Variants in DCC observed in about 807,000 individuals in gnomAD.
DCC encodes the protein DCC netrin 1 receptor.
DCC carries 58 observed loss-of-function variants against 172.5 expected under a neutral mutation model. That is an observed-to-expected ratio of 0.34 (90% CI 0.27 to 0.42). DCC has a LOEUF of 0.42. DCC is among the 10% of genes least tolerant of loss of function. The pLI, the probability that DCC is intolerant of heterozygous loss-of-function variation, is 1.00. For missense variants in DCC, 1,740 were observed against 1,791.0 expected, an observed-to-expected ratio of 0.97 and a Z score of 0.51; for synonymous variants, 709 against 644.5, an observed-to-expected ratio of 1.10 and a Z score of -1.52.
At chr18:52,922,086 ATCAGCAATTT>A (rs1488924838) in intron 3 of DCC, among the ~76,000 whole-genome samples, 1 of 152,102 alleles carries the variant, frequency 6.6e-6, no homozygotes, top group African/African-American at 2.4e-5. Flanking sequence ...GAAGCATACC[ATCAGCAATTT>A]TCAAAAGTTC....
At chr18:52,648,213 G>T (rs2035055971) in intron 1 of DCC, among the ~76,000 whole-genome samples, 1 of 152,280 alleles carries the variant, frequency 6.6e-6, no homozygotes, top group Non-Finnish European at 1.5e-5. Flanking sequence ...TTCTGGCTTG[G>T]CATTCAGTGA....
At chr18:52,957,376 A>G (rs2040762526) in intron 5 of DCC, among the ~76,000 whole-genome samples, 1 of 152,156 alleles carries the variant, frequency 6.6e-6, no homozygotes, top group East Asian at 1.9e-4. Flanking sequence ...AGAGCAATCG[A>G]TATTTCAAAA....
intron 1 of DCC, among the ~76,000 whole-genome samples, chr18:52,676,473 G>C (rs1437185977): frequency 6.6e-6 from 1 of 152,096 alleles, no homozygotes; most frequent in African/African-American, 2.4e-5. Flanking sequence ...TAAATGACTT[G>C]TACCCAAAAT....
intron 5 of DCC, among the ~76,000 whole-genome samples, chr18:53,023,721 A>G (rs1214833207): frequency 6.6e-6 from 1 of 152,162 alleles, no homozygotes; most frequent in East Asian, 1.9e-4. Flanking sequence ...GTTGTTTATA[A>G]TAATAATATA....
At chr18:52,399,193 T>C (rs1238831382) in intron 1 of DCC, among the ~76,000 whole-genome samples, 2 of 151,932 alleles carry the variant, frequency 1.3e-5, no homozygotes, top group African/African-American at 4.8e-5. Context: ...ATTTAAAATA[T>C]ATAGTGTTTT....
intron 5 of DCC, among the ~76,000 whole-genome samples, chr18:53,058,322 A>T (rs912660302): frequency 5.9e-5 from 9 of 152,172 alleles, no homozygotes; most frequent in African/African-American, 1.7e-4. Flanking sequence ...TTAACCTCTG[A>T]GTTATTAAAT....
At chr18:53,293,649 G>T (rs1168111815) in intron 12 of DCC, among the ~76,000 whole-genome samples, 2 of 151,888 alleles carry the variant, frequency 1.3e-5, no homozygotes, top group Non-Finnish European at 2.9e-5. Context: ...GTAGGCCCTG[G>T]TGTCTTTTGC....
intron 1 of DCC, among the ~76,000 whole-genome samples, chr18:52,495,195 G>C (rs2030693871): frequency 6.6e-6 from 1 of 152,070 alleles, no homozygotes; most frequent in Non-Finnish European, 1.5e-5. Flanking sequence ...TTTGTAATTA[G>C]CTTTTTATCC....
At chr18:53,437,960 T>C (rs893613977) in intron 22 of DCC, among the ~76,000 whole-genome samples, 5 of 152,094 alleles carry the variant, frequency 3.3e-5, no homozygotes, top group African/African-American at 1.2e-4. Context: ...TGAAAGAGGA[T>C]GAGAAAATCC....
intron 1 of DCC, among the ~76,000 whole-genome samples, chr18:52,369,142 G>A (rs550164985): frequency 7.9e-5 from 12 of 152,260 alleles, no homozygotes; most frequent in Non-Finnish European, 1.5e-4. Flanking sequence ...TGGTGGTATC[G>A]ATGAAGAGTC....
intron 2 of DCC, among the ~76,000 whole-genome samples, chr18:52,849,415 T>C (rs2038941971): frequency 6.6e-6 from 1 of 152,164 alleles, no homozygotes; most frequent in Non-Finnish European, 1.5e-5. Context: ...ATCAGTTTTG[T>C]TTCTCCTTCT....
At chr18:52,629,327 A>C (rs1169276831) in intron 1 of DCC, among the ~76,000 whole-genome samples, 2 of 152,300 alleles carry the variant, frequency 1.3e-5, no homozygotes, top group South Asian at 4.1e-4. Context: ...GTTTGGCCAA[A>C]CAAGTTTCTG....
intron 7 of DCC, among the ~76,000 whole-genome samples, chr18:53,150,379 C>T (rs1273948900): frequency 6.6e-6 from 1 of 152,176 alleles, no homozygotes. Context: ...ATTTGCAAAG[C>T]CTTCCGTTTA....
chr18:53,270,051 T>G (rs1388052432), intron 12 of DCC, among the ~76,000 whole-genome samples: 3 of 152,154 alleles, frequency 2.0e-5, no homozygotes, highest in Admixed American at 6.6e-5. Context: ...CATTGGGCTG[T>G]TTATGCTGGA....
At chr18:52,406,252 A>C (rs1326363740) in intron 1 of DCC, among the ~76,000 whole-genome samples, 3 of 150,214 alleles carry the variant, frequency 2.0e-5, no homozygotes, top group African/African-American at 7.4e-5. Context: ...CATTCAGGAC[A>C]TAGGCATGGT....
rs142220828 is a variant in DCC, at chr18:52,813,708, A to G, written c.412+61334A>G. 4.7e-3 allele frequency among the ~76,000 whole-genome samples: 719 copies of G among 152,346 alleles called. 8 individuals carry two copies. Among genetic ancestry groups the G allele is most frequent in the African/African-American group, 0.016 (662 of 41,572 alleles). On this transcript the variant is annotated intron_variant, in intron 2 of 28. Coordinates refer to ENST00000442544, the MANE Select transcript of DCC (RefSeq NM_005215.4). ...GTTGAGTCAGTCAACTGAGTAAAGC[A>G]GATTGCCATCCCTAGTGTGGGTGGG...
chr18:52,639,821 T>G (rs557332154), intron 1 of DCC, among the ~76,000 whole-genome samples: 1 of 152,186 alleles, frequency 6.6e-6, no homozygotes, highest in East Asian at 1.9e-4. Context: ...GTGACACTAT[T>G]CCACAAGATA....
At chr18:53,437,416 TA>T (rs2145122654) in intron 22 of DCC, among the ~76,000 whole-genome samples, 1 of 151,342 alleles carries the variant, frequency 6.6e-6, no homozygotes, top group Non-Finnish European at 1.5e-5. Context: ...CTGTCTCTAC[TA>T]AAAACACAAA....
chr18:52,690,150 G>T (rs2145009519), intron 1 of DCC, among the ~76,000 whole-genome samples: 1 of 152,264 alleles, frequency 6.6e-6, no homozygotes, highest in Middle Eastern at 3.4e-3. Context: ...GCTGTATTTA[G>T]ATCCCTGGCC....
Sources: gnomAD v4.1 joint callset for allele counts (sites outside exome capture counted in the v4.1 genomes callset) on GRCh38, gnomAD v4.1.1 for gene constraint, MANE v1.5 for transcripts, NCBI Gene and HGNC (gene_info 2026-07-23, HGNC 2026-07-21) for gene names.